COL25A1: variants seen among roughly 807,000 people sequenced by gnomAD.
COL25A1 encodes collagen type XXV alpha 1 chain, also known as collagen alpha-1(XXV) chain.
A neutral mutation model predicts 128.4 loss-of-function variants in COL25A1; 103 were observed. The observed-to-expected ratio is 0.80, with a 90% CI of 0.68 to 0.94. The LOEUF (loss-of-function observed/expected upper bound fraction) is 0.94, where lower values mean the gene tolerates loss of function less well. Among genes scored for constraint, COL25A1 ranks in the 40% least tolerant of loss-of-function variants. COL25A1 has a pLI of 0.00. For synonymous variants in COL25A1, 279 were observed against 277.2 expected, an observed-to-expected ratio of 1.01 and a Z score of -0.06; for missense variants, 745 against 840.0, an observed-to-expected ratio of 0.89 and a Z score of 1.40.
At chr4:109,036,505 C>T (rs1759366168) in intron 5 of COL25A1, among the ~76,000 whole-genome samples, 2 of 152,142 alleles carry the variant, frequency 1.3e-5, no homozygotes. Context: ...AGAGGCTTAA[C>T]TTTAATATGC....
chr4:108,859,735 T>C lies in COL25A1; in HGVS notation c.1243-2A>G. The C allele has an allele frequency of 6.2e-7, 1 of 1,613,308 alleles. No homozygotes were observed. The highest frequency in any genetic ancestry group is 8.5e-7 in the Non-Finnish European group (1 of 1,179,502). ...ATCCCCTTTTTGACCAGGTGGACCCTATGACAAAACCAATCAAGGGAAAAT... is the reference window on the plus strand; with the variant it reads ...ATCCCCTTTTTGACCAGGTGGACCCCATGACAAAACCAATCAAGGGAAAAT... On this transcript the variant is annotated splice_acceptor_variant, in intron 23 of 37. Coordinates refer to ENST00000399132, the MANE Select transcript of COL25A1 (RefSeq NM_198721.4). LOFTEE classifies it high-confidence loss of function.
chr4:109,144,753 A>G (rs181800657), intron 3 of COL25A1, among the ~76,000 whole-genome samples: 1 of 152,324 alleles, frequency 6.6e-6, no homozygotes. Context: ...GGGAGACACA[A>G]TTGTGTAAGT....
chr4:108,931,493 ACTGT>A (rs1746735066), intron 11 of COL25A1, among the ~76,000 whole-genome samples: 1 of 152,162 alleles, frequency 6.6e-6, no homozygotes, highest in African/African-American at 2.4e-5. Context: ...AGCTGTTGAG[ACTGT>A]CTTTCTGCTA....
chr4:109,189,770 A>G (rs994101247), intron 3 of COL25A1, among the ~76,000 whole-genome samples: 1 of 152,036 alleles, frequency 6.6e-6, no homozygotes, highest in Non-Finnish European at 1.5e-5. Flanking sequence ...TCCTGTATTT[A>G]TCTATTTTTT....
intron 22 of COL25A1, among the ~76,000 whole-genome samples, chr4:108,861,254 A>G (rs571923813): frequency 6.6e-6 from 1 of 152,334 alleles, no homozygotes; most frequent in East Asian, 1.9e-4. Context: ...AGGCAAAGCA[A>G]GTGGTTTCTA....
intron 4 of COL25A1, among the ~76,000 whole-genome samples, chr4:109,049,901 G>T (rs753755653): frequency 2.6e-5 from 4 of 152,140 alleles, no homozygotes; most frequent in Admixed American, 1.3e-4. Flanking sequence ...GGTACCAATT[G>T]TTACTAAACT....
At chr4:108,817,374 A>G (rs1213016334) in intron 37 of COL25A1, 23 bp downstream of exon 37, 1 of 1,611,834 alleles carries the variant, frequency 6.2e-7, no homozygotes. Flanking sequence ...GCTTCTTTTG[A>G]GAAATTATTC....
chr4:109,066,349 C>T (rs1388954242), intron 3 of COL25A1, among the ~76,000 whole-genome samples: 1 of 152,156 alleles, frequency 6.6e-6, no homozygotes, highest in East Asian at 1.9e-4. Flanking sequence ...GAAGAAAACA[C>T]CTGGCCCATC....
Position 108,863,380 on chromosome 4 carries a change from C to G in COL25A1, c.1091G>C (p.Arg364Pro), listed in dbSNP as rs199876449. The change falls in exon 21 of 38, where the codon CGG (arginine) becomes CCG (proline). Residue 364 changes from arginine (R) to proline (P), a missense_variant. Physicochemically the swap from Arg to Pro is moderately radical, Grantham distance 103. This residue lies in a region of COL25A1 where 387 missense variants were observed against 441.9 expected (regional missense o/e 0.88). Coordinates refer to ENST00000399132, the MANE Select transcript of COL25A1 (RefSeq NM_198721.4). ...TCTTCCAGGAGGCCCTGCTTCCCCC[C>G]GTTCACCCTGTCACAAATTGCAAAA... is the stretch of plus-strand genomic sequence containing the variant. ...LPGLPGTKGERGEAGPPGRGE... is the reference protein window; with the variant it reads ...LPGLPGTKGEPGEAGPPGRGE... The G allele has an allele frequency of 1.6e-5, 26 of 1,613,696 alleles. No homozygotes were observed. Among genetic ancestry groups the G allele is most frequent in the East Asian group, 2.2e-5 (1 of 44,852 alleles).
In COL25A1 at chr4:109,026,364, G is replaced by T. The variant is rs182834167; in HGVS notation, c.421-15989C>A. Among the ~76,000 whole-genome samples, 119 of 152,210 alleles carry T rather than the reference G, an allele frequency of 7.8e-4. 1 individual carries two copies. The highest frequency in any genetic ancestry group is 2.8e-3 in the African/African-American group (117 of 41,534). ...CAAGAAGGCAAATTGATTAAAACAA[G>T]GAGTCCATTGCATTTAACAAGTAGA... is the stretch of plus-strand genomic sequence containing the variant. On this transcript the variant is annotated intron_variant, in intron 5 of 37. Transcript: ENST00000399132.
chr4:109,011,284 A>C (rs1398653585), intron 5 of COL25A1, among the ~76,000 whole-genome samples: 1 of 152,192 alleles, frequency 6.6e-6, no homozygotes, highest in Non-Finnish European at 1.5e-5. Flanking sequence ...GAAAGTGTGG[A>C]GCTAATACAA....
intron 3 of COL25A1, among the ~76,000 whole-genome samples, chr4:109,137,996 G>A (rs1046033281): frequency 2.6e-5 from 4 of 151,850 alleles, no homozygotes; most frequent in East Asian, 1.9e-4. Flanking sequence ...GTGTGTGTGT[G>A]TGTGTGTGTG....
At chr4:109,001,961 C>T (rs1422018539) in intron 6 of COL25A1, among the ~76,000 whole-genome samples, 1 of 152,136 alleles carries the variant, frequency 6.6e-6, no homozygotes, top group African/African-American at 2.4e-5. Context: ...TGAAAAGGTG[C>T]TCCACATCAC....
intron 3 of COL25A1, among the ~76,000 whole-genome samples, chr4:109,179,488 C>T (rs1774424613): frequency 6.6e-6 from 1 of 152,168 alleles, no homozygotes; most frequent in Non-Finnish European, 1.5e-5. Flanking sequence ...GAAACCAAAC[C>T]CCCTGTTAGA....
chr4:108,999,063 T>C (rs1755075461), intron 6 of COL25A1, among the ~76,000 whole-genome samples: 1 of 151,966 alleles, frequency 6.6e-6, no homozygotes, highest in South Asian at 2.1e-4. Context: ...GGGCAAAAAG[T>C]TCATGACTAA....
chr4:109,213,410 G>A (rs893453298), intron 3 of COL25A1, among the ~76,000 whole-genome samples: 5 of 152,176 alleles, frequency 3.3e-5, no homozygotes, highest in African/African-American at 1.2e-4. Context: ...AAGAGATGCT[G>A]AACCAGTGTC....
chr4:108,957,505 G>A (rs1005440264), intron 8 of COL25A1, among the ~76,000 whole-genome samples: 5 of 152,174 alleles, frequency 3.3e-5, no homozygotes, highest in African/African-American at 4.8e-5. Flanking sequence ...AATTAGTTCA[G>A]AAGACAGGAC....
At chr4:109,038,356 T>C (rs945447102) in intron 5 of COL25A1, among the ~76,000 whole-genome samples, 2 of 152,184 alleles carry the variant, frequency 1.3e-5, no homozygotes, top group African/African-American at 4.8e-5. Flanking sequence ...AGATTTAACA[T>C]AGAAATCTTG....
rs138629263 is a variant in COL25A1 at position 109,285,362 on chromosome 4, C to G, written c.367+15221G>C. ...AACAAATTGTCCAAAATTGAAAGCTCTATTTCAAATGATAATCATAAATTC... is the reference window on the plus strand; with the variant it reads ...AACAAATTGTCCAAAATTGAAAGCTGTATTTCAAATGATAATCATAAATTC... On this transcript the variant is annotated intron_variant, in intron 3 of 37. Transcript: ENST00000399132. Among the ~76,000 whole-genome samples, 25 of 152,282 alleles carry G rather than the reference C, an allele frequency of 1.6e-4. No homozygotes were observed. In the East Asian group the frequency reaches 4.6e-3, roughly 28 times the overall value.
Sources: allele counts gnomAD v4.1 joint callset (sites outside exome capture counted in the v4.1 genomes callset), GRCh38; gene constraint gnomAD v4.1.1; regional missense constraint gnomAD v4.1.1; transcripts MANE v1.5; gene names NCBI Gene and HGNC (gene_info 2026-07-23, HGNC 2026-07-21).